Variants in CNTN6 observed in about 807,000 individuals in gnomAD.
The protein encoded by CNTN6 is contactin-6.
CNTN6 carries 137 observed loss-of-function variants against 122.8 expected under a neutral mutation model. The observed-to-expected ratio is 1.12, with a 90% CI of 0.97 to 1.29. The LOEUF is 1.29. Ranked by LOEUF, CNTN6 falls within the 50% of genes most tolerant of loss-of-function variation. The pLI is 0.00. For synonymous variants in CNTN6, 570 were observed against 426.0 expected, an observed-to-expected ratio of 1.34 and a Z score of -4.16; for missense variants, 1,634 against 1,223.4, an observed-to-expected ratio of 1.34 and a Z score of -5.01.
chr3:1,339,596 G>A (rs1426015332), intron 11 of CNTN6, among the ~76,000 whole-genome samples: 2 of 152,092 alleles, frequency 1.3e-5, no homozygotes, highest in Non-Finnish European at 2.9e-5. Flanking sequence ...AACTGAACTG[G>A]CAGTTGAAGA....
At chr3:1,326,069 G>T (rs2125987373) in intron 9 of CNTN6, 118 bp downstream of exon 9, 1 of 829,148 alleles carries the variant, frequency 1.2e-6, no homozygotes, top group Non-Finnish European at 1.9e-6. Context: ...TATGTTCCAG[G>T]AAAGGATGCA....
At chr3:1,258,430 T>C (rs9833205) in intron 4 of CNTN6, among the ~76,000 whole-genome samples, 1 of 152,048 alleles carries the variant, frequency 6.6e-6, no homozygotes, top group Non-Finnish European at 1.5e-5. Context: ...GAACAGAAAC[T>C]AATGGAATCA....
intron 1 of CNTN6, among the ~76,000 whole-genome samples, chr3:1,110,780 C>G (rs1314867314): frequency 6.6e-6 from 1 of 152,142 alleles, no homozygotes; most frequent in Non-Finnish European, 1.5e-5. Context: ...CTCCCAGGTC[C>G]TGATTCAAAT....
rs570061726 is a variant in CNTN6, at chr3:1,237,422, A to C, written c.358+9429A>C. On this transcript the variant is annotated intron_variant, in intron 4 of 22. Coordinates refer to ENST00000446702, the MANE Select transcript of CNTN6 (RefSeq NM_001289080.2). ...ACTACATTAAATACCCAAACCTAAGAATAATTGGTGTTCCCGAGGAAGAAG... is the reference window on the plus strand; with the variant it reads ...ACTACATTAAATACCCAAACCTAAGCATAATTGGTGTTCCCGAGGAAGAAG... 2.4e-3 allele frequency among the ~76,000 whole-genome samples: 361 copies of C among 152,262 alleles called. 1 individual carries two copies. Among genetic ancestry groups the C allele is most frequent in the Middle Eastern group, 3.4e-3 (1 of 294 alleles).
chr3:1,337,150 T>G (rs1221091943), intron 11 of CNTN6, among the ~76,000 whole-genome samples: 1 of 152,172 alleles, frequency 6.6e-6, no homozygotes, highest in East Asian at 1.9e-4. Context: ...TTCTCATTGC[T>G]AAGTTATGTG....
chr3:1,309,315 A>G (rs553815390), intron 7 of CNTN6, among the ~76,000 whole-genome samples: 1 of 152,180 alleles, frequency 6.6e-6, no homozygotes, highest in Non-Finnish European at 1.5e-5. Flanking sequence ...TTTGTGAAAG[A>G]TATGACTTCT....
At chr3:1,146,547 A>G (rs1347075415) in intron 1 of CNTN6, among the ~76,000 whole-genome samples, 1 of 145,206 alleles carries the variant, frequency 6.9e-6, no homozygotes, top group Middle Eastern at 3.3e-3. Context: ...TACATATTAC[A>G]TTTTTCTTTA....
At chr3:1,201,099 T>TTGTGTGTGTGTGTGTGTGTG (rs57028088) in intron 2 of CNTN6, among the ~76,000 whole-genome samples, 6 of 130,088 alleles carry the variant, frequency 4.6e-5, no homozygotes, top group South Asian at 2.6e-4. Context: ...AGCTAACATT[T>TTGTGTGTGTGTGTGTGTGTG]TGTGTGTGTG....
chr3:1,383,640 A>AAAAAACAAAAAC (rs3043011), intron 19 of CNTN6, among the ~76,000 whole-genome samples: 1 of 151,450 alleles, frequency 6.6e-6, no homozygotes. Context: ...GCCAGTGGTA[A>AAAAAACAAAAAC]AAAAACAAAA....
chr3:1,222,863 C>T (rs1346090966), intron 3 of CNTN6, among the ~76,000 whole-genome samples: 2 of 152,110 alleles, frequency 1.3e-5, no homozygotes, highest in Non-Finnish European at 2.9e-5. Context: ...TCCCATCCTC[C>T]ATCCTCCAGC....
intron 7 of CNTN6, among the ~76,000 whole-genome samples, chr3:1,306,903 T>C (rs1698449680): frequency 6.6e-6 from 1 of 152,200 alleles, no homozygotes; most frequent in Non-Finnish European, 1.5e-5. Context: ...GTTCAATCTT[T>C]CTAAGAGTTA....
At chr3:1,265,850 A>G (rs1055635791) in intron 4 of CNTN6, among the ~76,000 whole-genome samples, 1 of 152,242 alleles carries the variant, frequency 6.6e-6, no homozygotes, top group Non-Finnish European at 1.5e-5. Flanking sequence ...TGAAATATCA[A>G]TGTACTGTCT....
intron 2 of CNTN6, among the ~76,000 whole-genome samples, chr3:1,176,972 A>C (rs987776590): frequency 6.6e-6 from 1 of 151,204 alleles, no homozygotes; most frequent in African/African-American, 2.4e-5. Context: ...CATCACTCAT[A>C]ATGAGACCAA....
At chr3:1,274,640 G>A (rs867951438) in intron 4 of CNTN6, among the ~76,000 whole-genome samples, 2 of 152,140 alleles carry the variant, frequency 1.3e-5, no homozygotes, top group African/African-American at 2.4e-5. Context: ...AATGTAGTTA[G>A]CAGAGATAAA....
At chr3:1,284,962 G>A (rs1458987869) in intron 5 of CNTN6, among the ~76,000 whole-genome samples, 1 of 152,128 alleles carries the variant, frequency 6.6e-6, no homozygotes, top group African/African-American at 2.4e-5. Context: ...GACATTTTAG[G>A]GACTTTGCCT....
At chr3:1,300,484 G>A (rs1380595021) in intron 7 of CNTN6, among the ~76,000 whole-genome samples, 35 of 100,404 alleles carry the variant, frequency 3.5e-4, no homozygotes, top group African/African-American at 1.9e-3. Context: ...AGGAAGGAAG[G>A]AAGGAAGGAA....
intron 1 of CNTN6, among the ~76,000 whole-genome samples, chr3:1,102,206 T>A (rs1356954877): frequency 2.0e-5 from 3 of 152,186 alleles, no homozygotes; most frequent in Non-Finnish European, 4.4e-5. Context: ...GTTTCCCATA[T>A]TTGTATGTCT....
chr3:1,280,616 A>C (rs9815036), intron 5 of CNTN6, among the ~76,000 whole-genome samples: 3,902 of 151,518 alleles, frequency 0.026, 180 homozygotes, highest in African/African-American at 0.09. Flanking sequence ...ATTTGCACAC[A>C]ACCACACCCA....
In CNTN6 at chr3:1,400,917, T is replaced by A. The variant is rs78170476; in HGVS notation, c.2705-516T>A. 4.3e-3 allele frequency among the ~76,000 whole-genome samples: 662 copies of A among 152,260 alleles called. 7 individuals are homozygous for A. Among genetic ancestry groups the A allele is most frequent in the African/African-American group, 0.015 (632 of 41,566 alleles). ...CTCTGCTGCAATCTGCCATGACTTA[T>A]AAGAAATATCCTTGATAATTTACTA... On this transcript the variant is annotated intron_variant, in intron 20 of 22. Coordinates refer to ENST00000446702, the MANE Select transcript of CNTN6 (RefSeq NM_001289080.2).
Sources: gnomAD v4.1 joint callset for allele counts (sites outside exome capture counted in the v4.1 genomes callset) on GRCh38, gnomAD v4.1.1 for gene constraint, MANE v1.5 for transcripts, NCBI Gene and HGNC (gene_info 2026-07-23, HGNC 2026-07-21) for gene names.